MARCHF1: variants seen among roughly 807,000 people sequenced by gnomAD.
The protein encoded by MARCHF1 is E3 ubiquitin-protein ligase MARCHF1.
A neutral mutation model predicts 54.2 loss-of-function variants in MARCHF1; 40 were observed. That is an observed-to-expected ratio of 0.74 (90% CI 0.57 to 0.96). The LOEUF (loss-of-function observed/expected upper bound fraction) is 0.96. Among genes scored for constraint, MARCHF1 ranks in the 40% least tolerant of loss-of-function variants. The probability of loss-of-function intolerance (pLI) is 0.00; values close to 1 mark genes in which losing one functional copy is unlikely to be tolerated. For synonymous variants in MARCHF1, 236 were observed against 236.3 expected (o/e 1.00, Z 0.01); for missense variants, 586 against 656.5 (o/e 0.89, Z 1.17).
intron 3 of MARCHF1, among the ~76,000 whole-genome samples, chr4:163,879,399 G>A (rs1750365083): frequency 6.6e-6 from 1 of 152,228 alleles, no homozygotes; most frequent in South Asian, 2.1e-4. Context: ...TTATAAAAAA[G>A]TGAAAACAAT....
intron 1 of MARCHF1, among the ~76,000 whole-genome samples, chr4:164,212,605 G>A (rs942543751): frequency 1.2e-4 from 19 of 152,236 alleles, no homozygotes; most frequent in African/African-American, 4.3e-4. Context: ...ATATATGTAT[G>A]TATATGATCA....
intron 1 of MARCHF1, among the ~76,000 whole-genome samples, chr4:164,274,578 G>C (rs1426158706): frequency 2.0e-5 from 3 of 148,092 alleles, no homozygotes; most frequent in Non-Finnish European, 4.5e-5. Flanking sequence ...AAGAGACTTA[G>C]TGCTGATTAG....
chr4:164,096,968 T>A lies in MARCHF1; in HGVS notation c.-248+14620A>T, dbSNP rs1031330652. 2.6e-5 allele frequency among the ~76,000 whole-genome samples: 4 copies of A among 151,946 alleles called. No homozygotes were observed. In the East Asian group the frequency reaches 5.8e-4, roughly 22 times the overall value. ...CAGCAAGGAGGAAAACCCCGGGGAGTCTACTAACAATTTAGCACTGCCAAT... is the reference window on the plus strand; with the variant it reads ...CAGCAAGGAGGAAAACCCCGGGGAGACTACTAACAATTTAGCACTGCCAAT... On this transcript the variant is annotated intron_variant, in intron 2 of 9. Coordinates refer to ENST00000514618, the MANE Select transcript of MARCHF1 (RefSeq NM_001394959.1).
At chr4:164,057,815 T>C (rs1250218458) in intron 2 of MARCHF1, among the ~76,000 whole-genome samples, 5 of 152,164 alleles carry the variant, frequency 3.3e-5, no homozygotes, top group African/African-American at 9.6e-5. Context: ...CTGTTATGTA[T>C]AGGCAAACAC....
intron 5 of MARCHF1, among the ~76,000 whole-genome samples, chr4:163,626,131 A>G (rs905968713): frequency 1.3e-5 from 2 of 152,246 alleles, no homozygotes; most frequent in African/African-American, 4.8e-5. Context: ...TCAAATGGGA[A>G]AAACAAACAG....
chr4:164,067,045 A>G (rs1664530523), intron 2 of MARCHF1, among the ~76,000 whole-genome samples: 2 of 152,170 alleles, frequency 1.3e-5, no homozygotes, highest in Non-Finnish European at 1.5e-5. Context: ...AAGGCTTTTA[A>G]TAGTATTAAT....
intron 2 of MARCHF1, among the ~76,000 whole-genome samples, chr4:164,032,290 GATTC>G (rs1321722351): frequency 6.6e-6 from 1 of 152,000 alleles, no homozygotes; most frequent in Non-Finnish European, 1.5e-5. Context: ...CCAGCTCTTG[GATTC>G]ATTGATTTTT....
chr4:164,045,058 A>G (rs2111029183), intron 2 of MARCHF1, among the ~76,000 whole-genome samples: 1 of 152,262 alleles, frequency 6.6e-6, no homozygotes, highest in African/African-American at 2.4e-5. Context: ...TAAAAGTCAT[A>G]CAACTATACA....
chr4:164,293,434 T>C (rs1275193305), intron 1 of MARCHF1, among the ~76,000 whole-genome samples: 1 of 152,212 alleles, frequency 6.6e-6, no homozygotes, highest in Non-Finnish European at 1.5e-5. Flanking sequence ...CACTTTCTTT[T>C]TCTGTCGATA....
chr4:163,782,856 T>A (rs557010423), intron 4 of MARCHF1, among the ~76,000 whole-genome samples: 2 of 152,020 alleles, frequency 1.3e-5, no homozygotes, highest in Non-Finnish European at 2.9e-5. Flanking sequence ...TTGGTCTCCA[T>A]TGGGCTTGCA....
intron 8 of MARCHF1, among the ~76,000 whole-genome samples, chr4:163,547,290 C>T (rs532948973): frequency 5.3e-5 from 8 of 152,366 alleles, no homozygotes; most frequent in African/African-American, 1.9e-4. Flanking sequence ...TTCTTCACTT[C>T]TTCTGTTAAC....
At chr4:163,738,549 A>C (rs1424879084) in intron 4 of MARCHF1, among the ~76,000 whole-genome samples, 1 of 152,256 alleles carries the variant, frequency 6.6e-6, no homozygotes, top group African/African-American at 2.4e-5. Context: ...CACCTGGTAC[A>C]TTCATATTAA....
At chr4:163,609,623 G>A (rs4691098) in intron 7 of MARCHF1, among the ~76,000 whole-genome samples, 54,163 of 123,328 alleles carry the variant, frequency 0.44, 10,388 homozygotes, top group Non-Finnish European at 0.51. Context: ...GTGTGTGTGT[G>A]TATATATATA....
chr4:164,351,419 A>C (rs1730327568), intron 1 of MARCHF1, among the ~76,000 whole-genome samples: 1 of 150,616 alleles, frequency 6.6e-6, no homozygotes, highest in South Asian at 2.1e-4. Context: ...AGATCTGAGA[A>C]TGGGCAGACT....
rs13107522 is a variant in MARCHF1, at chr4:164,055,990, G to T, written c.-248+55598C>A. On this transcript the variant is annotated intron_variant, in intron 2 of 9. Coordinates refer to ENST00000514618, the MANE Select transcript of MARCHF1 (RefSeq NM_001394959.1). ...ACCTTGCAGAAATAACTTTCAAAGA[G>T]CTTTGCGATGTTTCTAAGTGTCTAT... 1.0e-3 allele frequency among the ~76,000 whole-genome samples: 154 copies of T among 151,904 alleles called. 1 individual carries two copies. Among genetic ancestry groups the T allele is most frequent in the African/African-American group, 3.6e-3 (149 of 41,430 alleles).
intron 1 of MARCHF1, among the ~76,000 whole-genome samples, chr4:164,203,885 T>C (rs982377344): frequency 1.3e-5 from 2 of 152,208 alleles, no homozygotes; most frequent in East Asian, 1.9e-4. Flanking sequence ...TGGGTTACAA[T>C]TGTAAAATGT....
chr4:164,188,653 CT>C, intron 1 of MARCHF1: 1 of 1,081,224 alleles, frequency 9.2e-7, no homozygotes, highest in Non-Finnish European at 1.4e-6. Context: ...AGAACACGGT[CT>C]TTGACGCCAA....
chr4:163,751,806 G>A (rs1274169752), intron 4 of MARCHF1, among the ~76,000 whole-genome samples: 1 of 95,756 alleles, frequency 1.0e-5, no homozygotes, highest in African/African-American at 5.5e-5. Context: ...ACATGTGCAC[G>A]TGTGTGTGTG....
intron 3 of MARCHF1, among the ~76,000 whole-genome samples, chr4:163,944,020 T>G (rs558799587): frequency 6.6e-6 from 1 of 151,866 alleles, no homozygotes; most frequent in Non-Finnish European, 1.5e-5. Flanking sequence ...CAGGCTGGAG[T>G]GCAGTGATGT....
Sources: gnomAD v4.1 joint callset for allele counts (sites outside exome capture counted in the v4.1 genomes callset) on GRCh38, gnomAD v4.1.1 for gene constraint, MANE v1.5 for transcripts, NCBI Gene and HGNC (gene_info 2026-07-23, HGNC 2026-07-21) for gene names.